DLC1: variants seen among roughly 807,000 people sequenced by gnomAD.
The protein encoded by DLC1 is DLC1 Rho GTPase activating protein, also known as rho GTPase-activating protein 7.
DLC1 carries 54 observed loss-of-function variants against 140.3 expected under a neutral mutation model. The ratio of observed to expected loss-of-function variants is 0.38; its 90% CI spans 0.31 to 0.48. The LOEUF is 0.48. Among genes scored for constraint, DLC1 ranks in the 20% least tolerant of loss-of-function variants. The pLI is 0.96. For synonymous variants in DLC1, 986 were observed against 728.1 expected, an observed-to-expected ratio of 1.35 and a Z score of -5.70; for missense variants, 2,536 against 1,907.0, an observed-to-expected ratio of 1.33 and a Z score of -6.14.
intron 1 of DLC1, among the ~76,000 whole-genome samples, chr8:13,599,936 A>C (rs1805816245): frequency 6.6e-6 from 1 of 152,020 alleles, no homozygotes; most frequent in South Asian, 2.1e-4. Context: ...GTATGGACCT[A>C]TTGAACAGTA....
chr8:13,411,799 A>C (rs987230737), intron 2 of DLC1, among the ~76,000 whole-genome samples: 15 of 152,164 alleles, frequency 9.9e-5, no homozygotes, highest in African/African-American at 3.4e-4. Flanking sequence ...AAAAATAATA[A>C]ATTTTGATTT....
intron 2 of DLC1, among the ~76,000 whole-genome samples, chr8:13,415,850 A>G (rs1407129775): frequency 1.3e-5 from 2 of 152,208 alleles, no homozygotes; most frequent in Non-Finnish European, 2.9e-5. Flanking sequence ...ATACAGGTAT[A>G]AAGAATATTT....
chr8:13,388,577 G>A (rs1378728414), intron 4 of DLC1, among the ~76,000 whole-genome samples: 2 of 151,848 alleles, frequency 1.3e-5, no homozygotes, highest in South Asian at 2.1e-4. Flanking sequence ...AAATTCTACT[G>A]TATAGTTAAG....
At chr8:13,095,387 G>A in intron 10 of DLC1, 142 bp from the exon 11 acceptor site, 1 of 1,047,008 alleles carries the variant, frequency 9.6e-7, no homozygotes. Context: ...TAAACAAAAT[G>A]ACAAATTCAG....
At chr8:13,336,552 C>T (rs1211273874) in intron 4 of DLC1, among the ~76,000 whole-genome samples, 1 of 152,122 alleles carries the variant, frequency 6.6e-6, no homozygotes, top group East Asian at 1.9e-4. Context: ...ACTGTGGTGG[C>T]CCACACAGCT....
chr8:13,440,570 T>C (rs1163363644), intron 2 of DLC1, among the ~76,000 whole-genome samples: 2 of 152,130 alleles, frequency 1.3e-5, no homozygotes, highest in African/African-American at 4.8e-5. Context: ...TCCAATTCTC[T>C]TTCTATGTAA....
intron 1 of DLC1, among the ~76,000 whole-genome samples, chr8:13,549,291 T>C (rs953580183): frequency 1.3e-5 from 2 of 152,060 alleles, no homozygotes; most frequent in Admixed American, 6.6e-5. Flanking sequence ...AGTAAAACAA[T>C]TGTATGAAAA....
At chr8:13,272,972 T>C (rs1022826460) in intron 5 of DLC1, among the ~76,000 whole-genome samples, 2 of 152,234 alleles carry the variant, frequency 1.3e-5, no homozygotes, top group Non-Finnish European at 1.5e-5. Context: ...TCATTCACGG[T>C]ATACTAGTAC....
chr8:13,138,825 A>C (rs995096957), intron 5 of DLC1, among the ~76,000 whole-genome samples: 1 of 152,192 alleles, frequency 6.6e-6, no homozygotes, highest in African/African-American at 2.4e-5. Flanking sequence ...TGTAGGATGA[A>C]GAAAGAGGAG....
At chr8:13,401,345 G>A in intron 3 of DLC1, 125 bp downstream of exon 3, 1 of 1,201,494 alleles carries the variant, frequency 8.3e-7, no homozygotes, top group Non-Finnish European at 1.1e-6. Context: ...TTATCTTTAT[G>A]GTACTGTACT....
At chr8:13,439,842 A>T (rs1456702098) in intron 2 of DLC1, among the ~76,000 whole-genome samples, 1 of 152,082 alleles carries the variant, frequency 6.6e-6, no homozygotes, top group African/African-American at 2.4e-5. Flanking sequence ...TTCACTACTC[A>T]TCTGTGATGA....
At chr8:13,316,723 C>A (rs905681478) in intron 4 of DLC1, among the ~76,000 whole-genome samples, 1 of 152,140 alleles carries the variant, frequency 6.6e-6, no homozygotes, top group Non-Finnish European at 1.5e-5. Flanking sequence ...TGCAGATTTT[C>A]TCCTCTCTGG....
At chr8:13,211,034 C>A (rs148091092) in intron 5 of DLC1, among the ~76,000 whole-genome samples, 1 of 152,004 alleles carries the variant, frequency 6.6e-6, no homozygotes, top group Non-Finnish European at 1.5e-5. Flanking sequence ...TTTTCAAGAC[C>A]CTCCTGATCT....
At chr8:13,354,812 G>A (rs1437460530) in intron 4 of DLC1, among the ~76,000 whole-genome samples, 24 of 151,556 alleles carry the variant, frequency 1.6e-4, no homozygotes, top group Admixed American at 1.5e-3. Context: ...AGCTGGGCAT[G>A]GTGGTACATG....
intron 5 of DLC1, among the ~76,000 whole-genome samples, chr8:13,230,882 C>G (rs1829019128): frequency 6.6e-6 from 1 of 152,088 alleles, no homozygotes; most frequent in Admixed American, 6.6e-5. Flanking sequence ...TAGGTGTGAG[C>G]CACTGCAGCT....
upstream of DLC1, among the ~76,000 whole-genome samples, chr8:13,518,483 C>A (rs1404268717): frequency 6.6e-6 from 1 of 152,144 alleles, no homozygotes; most frequent in Non-Finnish European, 1.5e-5. Flanking sequence ...CTAGTCATTT[C>A]CCAATCATTT....
At chr8:13,502,006 G>T (rs12679891) in intron 1 of DLC1, among the ~76,000 whole-genome samples, 1 of 152,108 alleles carries the variant, frequency 6.6e-6, no homozygotes, top group East Asian at 1.9e-4. Flanking sequence ...GTGGTATTAC[G>T]ATGTCACTCC....
chr8:13,117,986 T>C (rs995811328), intron 5 of DLC1, among the ~76,000 whole-genome samples: 18 of 148,722 alleles, frequency 1.2e-4, no homozygotes, highest in African/African-American at 4.4e-4. Flanking sequence ...TGCATATTCC[T>C]GTCTTCTTGT....
chr8:13,601,387 T>A (rs28379779), intron 1 of DLC1, among the ~76,000 whole-genome samples: 23,240 of 151,742 alleles, frequency 0.15, 2,247 homozygotes, highest in African/African-American at 0.28. Flanking sequence ...TTTAGTCTCA[T>A]AAATAATAGA....
Sources: gnomAD v4.1 joint callset for allele counts (sites outside exome capture counted in the v4.1 genomes callset) on GRCh38, gnomAD v4.1.1 for gene constraint, MANE v1.5 for transcripts, NCBI Gene and HGNC (gene_info 2026-07-23, HGNC 2026-07-21) for gene names.